MACROD2: variants seen among roughly 807,000 people sequenced by gnomAD.
MACROD2 encodes the protein mono-ADP ribosylhydrolase 2.
A neutral mutation model predicts 70.4 loss-of-function variants in MACROD2; 36 were observed. That is an observed-to-expected ratio of 0.51 (90% confidence interval 0.39 to 0.68). The LOEUF is 0.68. MACROD2 is among the 30% of genes least tolerant of loss of function. The probability of loss-of-function intolerance (pLI) is 0.00; values close to 1 mark genes in which losing one functional copy is unlikely to be tolerated. For missense variants in MACROD2, 496 were observed against 538.4 expected (o/e 0.92, Z 0.78); for synonymous variants, 172 against 178.8 (o/e 0.96, Z 0.30).
chr20:14,826,958 C>T (rs766055997), intron 5 of MACROD2, among the ~76,000 whole-genome samples: 7 of 152,080 alleles, frequency 4.6e-5, no homozygotes, highest in Non-Finnish European at 1.0e-4. Context: ...AAGGAGTCAA[C>T]ACTGCTTATT....
chr20:14,862,640 T>TATATATAA (rs2073377382), intron 5 of MACROD2, among the ~76,000 whole-genome samples: 3 of 10,386 alleles, frequency 2.9e-4, no homozygotes, highest in South Asian at 6.3e-3. Flanking sequence ...AATATATATA[T>TATATATAA]AAATATATAT....
At chr20:14,714,026 C>T (rs2071368213) in intron 5 of MACROD2, among the ~76,000 whole-genome samples, 1 of 152,078 alleles carries the variant, frequency 6.6e-6, no homozygotes, top group Non-Finnish European at 1.5e-5. Context: ...AGGACATAAA[C>T]AACAGGAAGG....
intron 3 of MACROD2, among the ~76,000 whole-genome samples, chr20:14,469,582 CTT>C (rs1274528589): frequency 6.6e-6 from 1 of 152,016 alleles, no homozygotes; most frequent in Non-Finnish European, 1.5e-5. Flanking sequence ...TAGGTTTGGT[CTT>C]TTCACATAGT....
chr20:15,323,392 A>C (rs867826123), intron 6 of MACROD2, among the ~76,000 whole-genome samples: 1 of 152,342 alleles, frequency 6.6e-6, no homozygotes, highest in Middle Eastern at 3.4e-3. Flanking sequence ...CAATGTAAAA[A>C]TGGTCAGAAA....
intron 6 of MACROD2, among the ~76,000 whole-genome samples, chr20:15,391,977 C>T (rs992450844): frequency 3.3e-5 from 5 of 152,262 alleles, no homozygotes; most frequent in East Asian, 3.9e-4. Flanking sequence ...TACCTCAGTA[C>T]GCTAGGTCAA....
chr20:14,286,961 A>G (rs1255727538), intron 3 of MACROD2, among the ~76,000 whole-genome samples: 1 of 152,170 alleles, frequency 6.6e-6, no homozygotes, highest in Non-Finnish European at 1.5e-5. Flanking sequence ...TTCCTACTCC[A>G]TGACCTAAGT....
intron 4 of MACROD2, among the ~76,000 whole-genome samples, chr20:14,518,631 T>C (rs1284395420): frequency 2.0e-5 from 3 of 152,212 alleles, no homozygotes. Context: ...TACATCATTT[T>C]TCTCTTCTTA....
chr20:14,956,098 A>G (rs1218966518), intron 5 of MACROD2, among the ~76,000 whole-genome samples: 2 of 151,330 alleles, frequency 1.3e-5, no homozygotes, highest in South Asian at 4.2e-4. Flanking sequence ...TTTTTAACCT[A>G]GTACTAAATG....
At chr20:14,043,437 G>A (rs1040079808) in intron 2 of MACROD2, among the ~76,000 whole-genome samples, 8 of 152,212 alleles carry the variant, frequency 5.3e-5, no homozygotes, top group Non-Finnish European at 1.2e-4. Context: ...TTCTCTGAGT[G>A]TGCCACCCTA....
chr20:14,056,632 G>A (rs1601167775), intron 2 of MACROD2, among the ~76,000 whole-genome samples: 2 of 148,988 alleles, frequency 1.3e-5, no homozygotes, highest in East Asian at 2.0e-4. Context: ...ATGATGAAAT[G>A]TATGTGTTTA....
chr20:15,417,256 A>G (rs2046165706), intron 6 of MACROD2, among the ~76,000 whole-genome samples: 1 of 152,032 alleles, frequency 6.6e-6, no homozygotes. Flanking sequence ...AAAAAAGGGA[A>G]AAAAGCTTTG....
At chr20:15,887,387 T>G (rs954487803) in intron 10 of MACROD2, among the ~76,000 whole-genome samples, 3 of 152,138 alleles carry the variant, frequency 2.0e-5, no homozygotes, top group Non-Finnish European at 4.4e-5. Context: ...AAGCAGAATC[T>G]AAAAGTCAGG....
At chr20:14,026,321 C>T (rs750965669) in intron 2 of MACROD2, among the ~76,000 whole-genome samples, 13 of 152,058 alleles carry the variant, frequency 8.5e-5, no homozygotes, top group South Asian at 2.1e-4. Flanking sequence ...GTCTTTTAAT[C>T]GGGGCATTTA....
chr20:14,275,019 C>T (rs1211526816), intron 3 of MACROD2, among the ~76,000 whole-genome samples: 2 of 152,166 alleles, frequency 1.3e-5, no homozygotes, highest in African/African-American at 4.8e-5. Context: ...AATGGAAGAA[C>T]ATTCCATGCT....
chr20:15,597,915 C>G (rs552569462), intron 8 of MACROD2, among the ~76,000 whole-genome samples: 1 of 152,162 alleles, frequency 6.6e-6, no homozygotes, highest in Admixed American at 6.5e-5. Context: ...CCTGTCTCCA[C>G]TGAAAATACA....
rs568853241 is a variant in MACROD2, at chr20:14,572,634, T to A, written c.301+79126T>A. On this transcript the variant is annotated intron_variant, in intron 4 of 17. Transcript: ENST00000684519. ...AGTTAGATGTTAAAAAGTATATTCT[T>A]TGTGATTCTGTTATTCAAAAATAGA... is the stretch of plus-strand genomic sequence containing the variant. Among the ~76,000 whole-genome samples the A allele has an allele frequency of 1.3e-3, 202 of 152,224 alleles. 1 individual carries two copies. The highest frequency in any genetic ancestry group is 4.5e-3 in the African/African-American group (187 of 41,570).
chr20:15,278,252 A>C (rs1254618472), intron 6 of MACROD2, among the ~76,000 whole-genome samples: 1 of 152,220 alleles, frequency 6.6e-6, no homozygotes, highest in African/African-American at 2.4e-5. Flanking sequence ...GGGATAGGTT[A>C]TGAGGAAGGA....
chr20:14,655,187 G>T (rs1255008394), intron 4 of MACROD2, among the ~76,000 whole-genome samples: 1 of 152,144 alleles, frequency 6.6e-6, no homozygotes, highest in Non-Finnish European at 1.5e-5. Context: ...TAGATTAGAA[G>T]AAAGGATGCT....
At chr20:15,813,390 A>C (rs925661942) in intron 8 of MACROD2, among the ~76,000 whole-genome samples, 6 of 152,208 alleles carry the variant, frequency 3.9e-5, no homozygotes, top group Admixed American at 3.9e-4. Context: ...TCCTATGAGA[A>C]ACTTTTGAGC....
Sources: gnomAD v4.1 joint callset for allele counts (sites outside exome capture counted in the v4.1 genomes callset) on GRCh38, gnomAD v4.1.1 for gene constraint, MANE v1.5 for transcripts, NCBI Gene and HGNC (gene_info 2026-07-23, HGNC 2026-07-21) for gene names.